Variants in TG observed in about 807,000 individuals in gnomAD.
TG encodes the protein thyroglobulin.
Under a neutral mutation model 324.7 loss-of-function variants are expected in TG, and 270 were observed. The observed-to-expected ratio is 0.83, with a 90% confidence interval of 0.75 to 0.92. The LOEUF (loss-of-function observed/expected upper bound fraction) is 0.92, where lower values mean the gene tolerates loss of function less well. Ranked by LOEUF, TG falls within the 40% of genes least tolerant of loss-of-function variation. The pLI is 0.00. For missense variants in TG, 3,591 were observed against 3,456.4 expected (o/e 1.04, Z -0.98); for synonymous variants, 1,401 against 1,327.0 (o/e 1.06, Z -1.21).
rs143051425 is a variant in TG at position 133,115,681 on chromosome 8, A to G, written c.7755-928A>G. On this transcript the variant is annotated intron_variant, in intron 44 of 47. Transcript: ENST00000220616. Reference sequence around the variant, plus strand: ...AGACAGAGATTCAAGGAGATAAAAGAACTGCTGAGTATCTCACCTTTACTC... The same window carrying G: ...AGACAGAGATTCAAGGAGATAAAAGGACTGCTGAGTATCTCACCTTTACTC... Among the ~76,000 whole-genome samples the G allele has an allele frequency of 5.6e-3, 857 of 152,330 alleles. 4 individuals carry two copies. The highest frequency in any genetic ancestry group is 0.01 in the Middle Eastern group (3 of 294).
rs776998417 is a variant in TG, at chr8:132,913,057, G to T, written c.4170G>T (p.Leu1390Phe). The T allele has an allele frequency of 1.2e-6, 2 of 1,614,112 alleles. No individual in the cohort carries two copies. Among genetic ancestry groups the T allele is most frequent in the South Asian group, 1.1e-5 (1 of 91,062 alleles). The change falls in exon 20 of 48, where the codon TTG (leucine) becomes TTT (phenylalanine). Residue 1390 changes from leucine (L) to phenylalanine (F), a missense_variant. By Grantham distance (22) the Leu-to-Phe change is conservative. Transcript: ENST00000220616. ...TCCTGTGTCTTACAGAGAGAGCCTTGGTGGGCAAGGATCTCCTTGGGCGCT... is the reference window on the plus strand; with the variant it reads ...TCCTGTGTCTTACAGAGAGAGCCTTTGTGGGCAAGGATCTCCTTGGGCGCT... ...LPDLHDIERALVGKDLLGRFT... is the reference protein window; with the variant it reads ...LPDLHDIERAFVGKDLLGRFT...
chr8:133,071,018 T>C (rs74945888), intron 41 of TG, among the ~76,000 whole-genome samples: 5,551 of 152,334 alleles, frequency 0.036, 156 homozygotes, highest in Non-Finnish European at 0.059. Flanking sequence ...CCCCTGAGAT[T>C]GTGGCCAAGT....
At chr8:133,069,602 C>T (rs1009494529) in intron 41 of TG, among the ~76,000 whole-genome samples, 1 of 152,146 alleles carries the variant, frequency 6.6e-6, no homozygotes, top group African/African-American at 2.4e-5. Context: ...TGACCGTCTC[C>T]CCTACTGGAC....
chr8:133,089,363 C>T (rs1431279878), intron 41 of TG, among the ~76,000 whole-genome samples: 4 of 152,212 alleles, frequency 2.6e-5, no homozygotes, highest in Non-Finnish European at 5.9e-5. Context: ...CCATCCTTTA[C>T]TGAGGGCCTG....
chr8:132,900,192 A>G, intron 14 of TG, 45 bp from the exon 15 acceptor site: 1 of 1,570,702 alleles, frequency 6.4e-7, no homozygotes, highest in South Asian at 1.1e-5. Context: ...TGGCCACTAG[A>G]GCATCTTGCC....
Position 133,113,468 on chromosome 8 carries a change from A to C in TG, c.7619A>C (p.Tyr2540Ser), listed in dbSNP as rs745866132. 4 of 1,613,760 alleles carry C rather than the reference A, an allele frequency of 2.5e-6. No individual in the cohort carries two copies. The African/African-American group carries it at 5.3e-5, about 22-fold the overall frequency. ...CGGACCAGTAGCAAAACAGCCTTTT[A>C]CCAGGCACTGCAGAATTCTCTGGGT... is the stretch of plus-strand genomic sequence containing the variant. ...RGRTSSKTAF[Y>S]QALQNSLGGE... Residue 2540 changes from tyrosine (Y) to serine (S), a missense_variant, in exon 44 of 48, where the codon TAC (tyrosine) becomes TCC (serine). Physicochemically the swap from Tyr to Ser is moderately radical, Grantham distance 144. Transcript: ENST00000220616.
chr8:133,042,405 A>T (rs1023152970), intron 41 of TG, among the ~76,000 whole-genome samples: 2 of 152,102 alleles, frequency 1.3e-5, no homozygotes, highest in Non-Finnish European at 2.9e-5. Context: ...ATATTTTAGA[A>T]TTCATGTATG....
chr8:132,890,963 ACAGT>A (rs544340619), intron 10 of TG, among the ~76,000 whole-genome samples: 39 of 152,302 alleles, frequency 2.6e-4, no homozygotes, highest in African/African-American at 9.1e-4. Flanking sequence ...TGATGGGAAG[ACAGT>A]CAGGTGAAGG....
At chr8:132,912,992 C>T in intron 19 of TG, 55 bp from the exon 20 acceptor site, 1 of 1,552,134 alleles carries the variant, frequency 6.4e-7, no homozygotes, top group South Asian at 1.1e-5. Context: ...TTAATCCTCC[C>T]TGGCCCTAGC....
chr8:132,995,837 G>A (rs1832826636), intron 35 of TG, among the ~76,000 whole-genome samples: 1 of 152,180 alleles, frequency 6.6e-6, no homozygotes, highest in Non-Finnish European at 1.5e-5. Context: ...CGTGTGTGTG[G>A]CTTTTCCTTA....
intron 26 of TG, among the ~76,000 whole-genome samples, chr8:132,948,117 C>G (rs918161844): frequency 2.0e-5 from 3 of 152,186 alleles, no homozygotes; most frequent in African/African-American, 7.2e-5. Context: ...GAGCTCACTT[C>G]CTAACAGGGA....
intron 21 of TG, among the ~76,000 whole-genome samples, chr8:132,922,096 C>T (rs1243887017): frequency 6.6e-6 from 1 of 152,104 alleles, no homozygotes; most frequent in Admixed American, 6.5e-5. Flanking sequence ...TGATAAAGTC[C>T]CTGTCCTCAA....
At chr8:132,940,672 C>T (rs1327586736) in intron 25 of TG, among the ~76,000 whole-genome samples, 3 of 152,232 alleles carry the variant, frequency 2.0e-5, no homozygotes, top group Non-Finnish European at 4.4e-5. Context: ...GAAGGGAAAA[C>T]TCTGCAATGG....
At chr8:133,042,159 G>A (rs567399385) in intron 41 of TG, among the ~76,000 whole-genome samples, 13 of 152,222 alleles carry the variant, frequency 8.5e-5, no homozygotes, top group East Asian at 1.9e-4. Flanking sequence ...ACTCAGGGCC[G>A]TAGAAATGTG....
chr8:133,085,370 T>A (rs1157528474), intron 41 of TG, among the ~76,000 whole-genome samples: 1 of 152,134 alleles, frequency 6.6e-6, no homozygotes, highest in Admixed American at 6.5e-5. Context: ...CATCACAATT[T>A]AAAAAATTCT....
In TG at chr8:132,913,130, AAGACGTTCCC is replaced by A; in HGVS notation, c.4246_4255del (p.Thr1416ArgfsTer30). On this transcript the variant is annotated frameshift_variant, in exon 20 of 48. Coordinates refer to ENST00000220616, the MANE Select transcript of TG (RefSeq NM_003235.5). LOFTEE classifies it high-confidence loss of function. ...CTCATTCCAGCTTCATCTGGACTCC[AAGACGTTCCC>A]AGCGGAAACCATCCGCTTCCTCCAA... The A allele has an allele frequency of 3.1e-6, 5 of 1,614,182 alleles. No individual in the cohort carries two copies. The highest frequency in any genetic ancestry group is 4.2e-6 in the Non-Finnish European group (5 of 1,180,020).
intron 27 of TG, among the ~76,000 whole-genome samples, chr8:132,957,446 T>C (rs1312402129): frequency 1.3e-5 from 2 of 152,196 alleles, no homozygotes; most frequent in Admixed American, 6.5e-5. Context: ...CCCAAACTGA[T>C]GTGCACCTGC....
chr8:132,871,484 G>C lies in TG; in HGVS notation c.411G>C (p.Gln137His). 1 of 1,614,216 alleles carries C rather than the reference G, an allele frequency of 6.2e-7. No homozygotes were observed. The change falls in exon 4 of 48, where the codon CAG (glutamine) becomes CAC (histidine). Residue 137 changes from glutamine (Q) to histidine (H), a missense_variant. Transcript: ENST00000220616. ...TTCAGTGTGATGTGCAGCAGGTCCAGTGCTGGTGTGTGGACGCAGAGGGGA... is the reference window on the plus strand; with the variant it reads ...TTCAGTGTGATGTGCAGCAGGTCCACTGCTGGTGTGTGGACGCAGAGGGGA... ...APVQCDVQQV[Q>H]CWCVDAEGME... is the part of the protein sequence containing the mutation.
intron 5 of TG, among the ~76,000 whole-genome samples, chr8:132,877,094 T>C (rs1264107236): frequency 6.6e-6 from 1 of 152,332 alleles, no homozygotes; most frequent in South Asian, 2.1e-4. Flanking sequence ...GGTGGTTGGC[T>C]ATGCATCAGG....
Sources: allele counts gnomAD v4.1 joint callset (sites outside exome capture counted in the v4.1 genomes callset), GRCh38; gene constraint gnomAD v4.1.1; transcripts MANE v1.5; gene names NCBI Gene and HGNC (gene_info 2026-07-23, HGNC 2026-07-21).